Variants in KIR3DL3 observed in about 807,000 individuals in gnomAD.
The protein encoded by KIR3DL3 is killer cell immunoglobulin-like receptor 3DL3.
A neutral mutation model predicts 34.9 loss-of-function variants in KIR3DL3; 27 were observed. That is an observed-to-expected ratio of 0.77 (90% CI 0.57 to 1.07). The LOEUF is 1.07. Ranked by LOEUF, KIR3DL3 falls within the 50% of genes least tolerant of loss-of-function variation. The pLI, the probability that KIR3DL3 is intolerant of heterozygous loss-of-function variation, is 0.00. For missense variants in KIR3DL3, 681 were observed against 528.5 expected (o/e 1.29, Z -2.83); for synonymous variants, 217 against 200.2 (o/e 1.08, Z -0.71).
At position 54,727,788 on chromosome 19, in the gene KIR3DL3, T is replaced by C. The variant is rs1174223312; in HGVS notation, c.533T>C (p.Val178Ala). The C allele has an allele frequency of 1.2e-6, 2 of 1,613,476 alleles. No individual in the cohort carries two copies. Among genetic ancestry groups the C allele is most frequent in the East Asian group, 2.2e-5 (1 of 44,744 alleles). Reference sequence around the variant, plus strand: ...CAGCTCCACGATGCGGGTTCCCAGGTCAACTATTCCATGGGTCCCATGACA... The same window carrying C: ...CAGCTCCACGATGCGGGTTCCCAGGCCAACTATTCCATGGGTCCCATGACA... ...VGQLHDAGSQ[V>A]NYSMGPMTPA... The change falls in exon 4 of 8, where the codon GTC becomes GCC. Residue 178 changes from valine (V) to alanine (A), a missense_variant. Val to Ala is a moderately conservative substitution (Grantham distance 64). Transcript: ENST00000291860.
chr19:54,725,999 G>A (rs1326984918), intron 2 of KIR3DL3, 54 bp from the exon 3 acceptor site: 11 of 1,388,584 alleles, frequency 7.9e-6, no homozygotes, highest in Admixed American at 3.6e-5. Flanking sequence ...AGCACAGGGA[G>A]GGAGGGGCGG....
chr19:54,729,406 A>G, intron 4 of KIR3DL3, 87 bp from the exon 5 acceptor site: 1 of 1,282,396 alleles, frequency 7.8e-7, no homozygotes. Flanking sequence ...TAAGTCATAG[A>G]GCAGGGGAGT....
intron 5 of KIR3DL3, among the ~76,000 whole-genome samples, chr19:54,730,797 G>A (rs1489503682): frequency 6.6e-6 from 1 of 152,158 alleles, no homozygotes; most frequent in Non-Finnish European, 1.5e-5. Flanking sequence ...TCCCTATTGT[G>A]TGTGTGTACC....
At chr19:54,731,821 T>G (rs2068827296) in intron 5 of KIR3DL3, among the ~76,000 whole-genome samples, 1 of 151,932 alleles carries the variant, frequency 6.6e-6, no homozygotes, top group African/African-American at 2.4e-5. Context: ...CTCTTCTTCT[T>G]TACCCACACC....
intron 6 of KIR3DL3, 39 bp downstream of exon 6, chr19:54,735,396 A>G (rs1334219353): frequency 3.1e-6 from 3 of 982,550 alleles, no homozygotes; most frequent in Admixed American, 1.7e-5. Flanking sequence ...GCTCAGGGCC[A>G]TGTGGGGAAG....
At chr19:54,729,867 G>A in intron 5 of KIR3DL3, 81 bp downstream of exon 5, 3 of 1,388,884 alleles carry the variant, frequency 2.2e-6, no homozygotes, top group South Asian at 1.4e-5. Context: ...ATGGAGAGAA[G>A]CATGGACAGA....
chr19:54,725,903 G>A (rs1292753265), intron 2 of KIR3DL3, 150 bp from the exon 3 acceptor site: 28 of 703,526 alleles, frequency 4.0e-5, no homozygotes, highest in African/African-American at 3.5e-5. Flanking sequence ...GAGACGCCAT[G>A]TCTATGCGGG....
Position 54,729,641 on chromosome 19 carries a change from A to G in KIR3DL3, c.804A>G (p.Ala268=), listed in dbSNP as rs62132678. 1,186,248 of 1,551,516 alleles carry G rather than the reference A, an allele frequency of 0.76. 458,629 individuals are homozygous for G. The highest frequency in any genetic ancestry group is 0.99 in the East Asian group (43,140 of 43,756). The part of the protein sequence containing the change: ...EAEAGELRLT[A]VLRVNGTFQA... ...AGGCCGGTGAACTTAGGCTCACTGC[A>G]GTGCTGAGGGTCAATGGAACATTCC... is the stretch of plus-strand genomic sequence containing the variant. Residue 268 remains alanine, a synonymous_variant, in exon 5 of 8, where the codon GCA becomes GCG. Coordinates refer to ENST00000291860, the MANE Select transcript of KIR3DL3 (RefSeq NM_153443.5).
In KIR3DL3 at chr19:54,726,167, A is replaced by G; in HGVS notation, c.185A>G (p.Lys62Arg). The change falls in exon 3 of 8, where the codon AAA becomes AGA. Residue 62 changes from lysine (K) to arginine (R), a missense_variant. Physicochemically the swap from Lys to Arg is conservative, Grantham distance 26 (BLOSUM62 2). Coordinates refer to ENST00000291860, the MANE Select transcript of KIR3DL3 (RefSeq NM_153443.5). ...RLGFNEFSLSKEDGMPVPELY... is the reference protein window; with the variant it reads ...RLGFNEFSLSREDGMPVPELY... The stretch of plus-strand genomic sequence containing the variant: ...GGGTTTAATGAATTCAGTCTGTCCA[A>G]AGAAGACGGGATGCCTGTCCCTGAG... The G allele has an allele frequency of 5.0e-6, 8 of 1,613,168 alleles. No homozygotes were observed. In the South Asian group the frequency reaches 8.8e-5, roughly 18 times the overall value.
Position 54,726,082 on chromosome 19 carries a change from T to C in KIR3DL3, c.100T>C (p.Trp34Arg), listed in dbSNP as rs1391596083. The C allele has an allele frequency of 1.1e-5, 17 of 1,612,988 alleles. No homozygotes were observed. Among genetic ancestry groups the C allele is most frequent in the Non-Finnish European group, 1.3e-5 (15 of 1,179,370 alleles). ...GGQDKPFLSA[W>R]PGTVVSEGQH... The stretch of plus-strand genomic sequence containing the variant: ...TCAGGACAAGCCCTTCCTCTCTGCC[T>C]GGCCCGGCACTGTGGTGTCTGAAGG... The change falls in exon 3 of 8, where the codon TGG becomes CGG. Residue 34 changes from tryptophan to arginine, a missense_variant. Trp to Arg is a moderately radical substitution (Grantham distance 101). Coordinates refer to ENST00000291860, the MANE Select transcript of KIR3DL3 (RefSeq NM_153443.5).
chr19:54,736,295 T>G lies in KIR3DL3; in HGVS notation c.*199T>G. ...ATCGCTCTTCCTCACACCACGAATCTGAACATGCCTCTCTCTTGCTTACAA... is the reference window on the plus strand; with the variant it reads ...ATCGCTCTTCCTCACACCACGAATCGGAACATGCCTCTCTCTTGCTTACAA... On this transcript the variant is annotated 3_prime_UTR_variant, in exon 8 of 8. Transcript: ENST00000291860. The G allele has an allele frequency of 2.8e-6, 2 of 713,548 alleles. 1 individual carries two copies. Among genetic ancestry groups the G allele is most frequent in the South Asian group, 3.5e-5 (2 of 57,884 alleles). 44.2% of individuals were successfully genotyped at this position (713,548 alleles called of 1,614,324 possible). A position where few individuals can be genotyped will look rare whatever the true frequency, so the allele number is the denominator to read the frequency against.
intron 1 of KIR3DL3, among the ~76,000 whole-genome samples, chr19:54,724,740 A>AACT (rs2067947125): frequency 8.1e-6 from 1 of 123,076 alleles, no homozygotes; most frequent in Admixed American, 8.6e-5. Context: ...ATGGGCCTGG[A>AACT]GTAGAGATAT....
rs2069602401 is a variant in KIR3DL3 at position 54,736,273 on chromosome 19, G to A, written c.*177G>A. The A allele has an allele frequency of 1.9e-5, 16 of 824,606 alleles. No individual in the cohort carries two copies. The South Asian group carries it at 2.0e-4, about 10-fold the overall frequency. The allele number at this position is 824,606 out of a possible 1,614,324, so 51.1% of individuals were successfully genotyped here. On this transcript the variant is annotated 3_prime_UTR_variant, in exon 8 of 8. Transcript: ENST00000291860. ...GCGTGAGTCTGCATCTTAGGGCATC[G>A]CTCTTCCTCACACCACGAATCTGAA...
At position 54,727,898 on chromosome 19, in the gene KIR3DL3, A is replaced by G. The variant is rs763937812; in HGVS notation, c.643A>G (p.Ile215Val). ...ELSAPSDPLDIVVVGLYGKPS... is the reference protein window; with the variant it reads ...ELSAPSDPLDVVVVGLYGKPS... ...GTCGGCTCCCAGTGACCCTCTGGAC[A>G]TCGTGGTCGTAGGTGAGAGAATACA... Residue 215 changes from isoleucine (I) to valine (V), a missense_variant, in exon 4 of 8, where the codon ATC (isoleucine) becomes GTC (valine). Physicochemically the swap from Ile to Val is conservative, Grantham distance 29. Transcript: ENST00000291860. The G allele has an allele frequency of 2.5e-6, 4 of 1,610,276 alleles. No homozygotes were observed. In the African/African-American group the frequency reaches 4.0e-5, roughly 16 times the overall value.
intron 5 of KIR3DL3, among the ~76,000 whole-genome samples, chr19:54,731,789 G>A (rs1377505309): frequency 3.3e-5 from 5 of 151,804 alleles, no homozygotes; most frequent in East Asian, 1.9e-4. Flanking sequence ...GGCTGGTCAC[G>A]TCTCACATGG....
At chr19:54,729,889 A>G in intron 5 of KIR3DL3, 103 bp downstream of exon 5, 1 of 1,125,330 alleles carries the variant, frequency 8.9e-7, no homozygotes, top group Admixed American at 2.3e-5. Flanking sequence ...GCCGAGACAG[A>G]ACACACAGCA....
In KIR3DL3 at chr19:54,725,202, G is replaced by A. The variant is rs369925061; in HGVS notation, c.35-45G>A. The stretch of plus-strand genomic sequence containing the variant: ...GGCCTGGAGTGGAGATATGGGCCTG[G>A]AGGTGATGTACAGATGGATCATCCA... On this transcript the variant is annotated intron_variant, in intron 1 of 7. Transcript: ENST00000291860. 251 of 1,522,530 alleles carry A rather than the reference G, an allele frequency of 1.6e-4. 7 individuals carry two copies. The East Asian group carries it at 4.0e-3, about 24-fold the overall frequency. 94.3% of individuals were successfully genotyped at this position (1,522,530 alleles called of 1,614,324 possible).
At chr19:54,730,456 C>T (rs2146815612) in intron 5 of KIR3DL3, among the ~76,000 whole-genome samples, 1 of 150,338 alleles carries the variant, frequency 6.7e-6, no homozygotes, top group South Asian at 2.1e-4. Context: ...TGCCTGTAGT[C>T]CCAGCTACTT....
chr19:54,734,317 G>A (rs1425606102), intron 5 of KIR3DL3, among the ~76,000 whole-genome samples: 4 of 151,428 alleles, frequency 2.6e-5, no homozygotes, highest in Admixed American at 1.3e-4. Context: ...ACTCCAGGGA[G>A]ACAGAACACA....
Sources: gnomAD v4.1 joint callset for allele counts (sites outside exome capture counted in the v4.1 genomes callset) on GRCh38, gnomAD v4.1.1 for gene constraint, MANE v1.5 for transcripts, NCBI Gene and HGNC (gene_info 2026-07-23, HGNC 2026-07-21) for gene names.